APPL1: variants seen among roughly 807,000 people sequenced by gnomAD.
The protein encoded by APPL1 is DCC-interacting protein 13-alpha.
A neutral mutation model predicts 106.8 loss-of-function variants in APPL1; 42 were observed. The ratio of observed to expected loss-of-function variants is 0.39; its 90% CI spans 0.31 to 0.51. The LOEUF (loss-of-function observed/expected upper bound fraction) is 0.51, where lower values mean the gene tolerates loss of function less well. Ranked by LOEUF, APPL1 falls within the 20% of genes least tolerant of loss-of-function variation. The pLI, the probability that APPL1 is intolerant of heterozygous loss-of-function variation, is 0.75. For missense variants in APPL1, 769 were observed against 858.2 expected, an observed-to-expected ratio of 0.90 and a Z score of 1.30; for synonymous variants, 263 against 281.8, an observed-to-expected ratio of 0.93 and a Z score of 0.67.
In APPL1 at chr3:57,228,364, T is replaced by C. The variant is rs2060665079; in HGVS notation, c.54+427T>C. Among the ~76,000 whole-genome samples, 1 of 152,152 alleles carries C rather than the reference T, an allele frequency of 6.6e-6. No homozygotes were observed. The highest frequency in any genetic ancestry group is 6.5e-5 in the Admixed American group (1 of 15,278). On this transcript the variant is annotated intron_variant, in intron 1 of 21. Coordinates refer to ENST00000288266, the MANE Select transcript of APPL1 (RefSeq NM_012096.3). The surrounding 1 kb of genome is among the most constrained non-coding windows in gnomAD (Gnocchi z 4.6). The stretch of plus-strand genomic sequence containing the variant: ...TAATGATTTCCGAGGCTCAGCAAGC[T>C]AAGGAAGGAAATGGATCGTTTTTCT...
At chr3:57,240,427 G>T (rs752277582) in intron 4 of APPL1, 38 bp from the exon 5 acceptor site, 12 of 1,467,002 alleles carry the variant, frequency 8.2e-6, no homozygotes, top group Non-Finnish European at 1.1e-5. Flanking sequence ...AAATGTCTGT[G>T]TATAGTTATT....
intron 1 of APPL1, among the ~76,000 whole-genome samples, chr3:57,234,541 AC>A (rs1313898276): frequency 6.6e-6 from 1 of 150,848 alleles, no homozygotes; most frequent in Non-Finnish European, 1.5e-5. Flanking sequence ...CTCGTGATCC[AC>A]CCGCCTCGGC....
chr3:57,255,249 G>A (rs1388016976), intron 13 of APPL1, among the ~76,000 whole-genome samples: 1 of 152,166 alleles, frequency 6.6e-6, no homozygotes, highest in Non-Finnish European at 1.5e-5. Context: ...CTCTTAGTGG[G>A]CCTGTCTGTG....
intron 11 of APPL1, 84 bp from the exon 12 acceptor site, chr3:57,252,179 CCTTTAA>C: frequency 9.9e-7 from 1 of 1,014,028 alleles, no homozygotes; most frequent in Non-Finnish European, 1.5e-6. Flanking sequence ...TTTATATATG[CCTTTAA>C]CTTTAAAGAT....
intron 1 of APPL1, among the ~76,000 whole-genome samples, chr3:57,231,436 G>T (rs2060686680): frequency 6.6e-6 from 1 of 151,678 alleles, no homozygotes. Flanking sequence ...TTAGTGCTGG[G>T]ATTACAGATG....
Position 57,257,420 on chromosome 3 carries a change from G to C in APPL1, c.1422G>C (p.Gln474His). Reference protein sequence around the residue: ...DQPGQAKAFGQGGRRTNPFGE... With the variant: ...DQPGQAKAFGHGGRRTNPFGE... ...CTGGCCAGGCAAAAGCCTTTGGCCAGGGAGGCAGGTGGGTGATAGCATCAC... is the reference window on the plus strand; with the variant it reads ...CTGGCCAGGCAAAAGCCTTTGGCCACGGAGGCAGGTGGGTGATAGCATCAC... The change falls in exon 15 of 22, where the codon CAG becomes CAC. Residue 474 changes from glutamine to histidine, a missense_variant. By Grantham distance (24) the Gln-to-His change is conservative. Coordinates refer to ENST00000288266, the MANE Select transcript of APPL1 (RefSeq NM_012096.3). 6.2e-7 allele frequency: 1 copy of C among 1,611,354 alleles called. No individual in the cohort carries two copies.
At position 57,239,494 on chromosome 3, in the gene APPL1, G is replaced by A. The variant is rs142215500; in HGVS notation, c.286-971G>A. On this transcript the variant is annotated intron_variant, in intron 4 of 21. Transcript: ENST00000288266. The stretch of plus-strand genomic sequence containing the variant: ...TTTTTTGGCTAAATAAAATTTCATT[G>A]TTATGGATATACCAAGTTTTGTTTA... 3.0e-3 allele frequency among the ~76,000 whole-genome samples: 455 copies of A among 152,164 alleles called. 1 individual carries two copies. The highest frequency in any genetic ancestry group is 0.01 in the African/African-American group (427 of 41,510).
intron 1 of APPL1, among the ~76,000 whole-genome samples, chr3:57,234,694 C>T (rs1193456987): frequency 2.7e-5 from 4 of 148,986 alleles, no homozygotes; most frequent in Non-Finnish European, 5.9e-5. Flanking sequence ...CTTTGTCGCC[C>T]GCCCAGGCTG....
chr3:57,237,424 G>A, intron 2 of APPL1, 68 bp from the exon 3 acceptor site: 1 of 1,007,062 alleles, frequency 9.9e-7, no homozygotes, highest in Non-Finnish European at 1.5e-6. Flanking sequence ...AAATAAATTA[G>A]GTATTTAATT....
chr3:57,228,537 T>C lies in APPL1; in HGVS notation c.54+600T>C, dbSNP rs2060666318. ...CACTCGAGCTGTGCACGGCGAGGGATGGACGGTGCCTTCGCCGCTCCGCGA... is the reference window on the plus strand; with the variant it reads ...CACTCGAGCTGTGCACGGCGAGGGACGGACGGTGCCTTCGCCGCTCCGCGA... On this transcript the variant is annotated intron_variant, in intron 1 of 21. Transcript: ENST00000288266. This position sits in a 1 kb window ranked among gnomAD's most constrained non-coding sequence, Gnocchi z 4.6. Among the ~76,000 whole-genome samples, 1 of 152,232 alleles carries C rather than the reference T, an allele frequency of 6.6e-6. No individual in the cohort carries two copies. Among genetic ancestry groups the C allele is most frequent in the Non-Finnish European group, 1.5e-5 (1 of 68,040 alleles).
chr3:57,268,622 A>G, intron 21 of APPL1, 135 bp downstream of exon 21: 2 of 990,166 alleles, frequency 2.0e-6, no homozygotes, highest in East Asian at 5.3e-5. Flanking sequence ...GATGATTCAT[A>G]CCATAGCAGA....
chr3:57,267,503 T>G (rs2060900714), intron 19 of APPL1, among the ~76,000 whole-genome samples: 1 of 152,194 alleles, frequency 6.6e-6, no homozygotes, highest in African/African-American at 2.4e-5. Context: ...CAGTAATGAA[T>G]TTGACATAAC....
intron 19 of APPL1, among the ~76,000 whole-genome samples, chr3:57,261,402 T>C (rs958821398): frequency 2.0e-5 from 3 of 152,238 alleles, no homozygotes; most frequent in Non-Finnish European, 4.4e-5. Flanking sequence ...CTATTGTGAA[T>C]AGTACTACAG....
At chr3:57,255,256 T>C (rs4681966) in intron 13 of APPL1, among the ~76,000 whole-genome samples, 57,959 of 152,078 alleles carry the variant, frequency 0.38, 13,075 homozygotes, top group East Asian at 0.85. Flanking sequence ...TGGGCCTGTC[T>C]GTGCTATGGG....
intron 5 of APPL1, among the ~76,000 whole-genome samples, chr3:57,240,953 G>A (rs920287609): frequency 3.3e-5 from 5 of 152,220 alleles, no homozygotes; most frequent in African/African-American, 1.2e-4. Context: ...AGGGACTAGA[G>A]TGCACAAGAT....
At chr3:57,227,994 C>T (rs2060661983) in intron 1 of APPL1, 57 bp downstream of exon 1, 2 of 1,338,614 alleles carry the variant, frequency 1.5e-6, no homozygotes, top group East Asian at 3.2e-5. Flanking sequence ...GACCCCAGGT[C>T]TGGCGCCTCC....
chr3:57,227,877 C>A lies in APPL1; in HGVS notation c.-7C>A. Reference sequence around the variant, plus strand: ...GCGTCTCCTGCCACCGCCCTCCCTCCGCCACGATGCCGGGGATCGACAAGC... The same window carrying A: ...GCGTCTCCTGCCACCGCCCTCCCTCAGCCACGATGCCGGGGATCGACAAGC... On this transcript the variant is annotated 5_prime_UTR_variant, in exon 1 of 22. Coordinates refer to ENST00000288266, the MANE Select transcript of APPL1 (RefSeq NM_012096.3). 6.8e-7 allele frequency: 1 copy of A among 1,463,482 alleles called. No homozygotes were observed. The highest frequency in any genetic ancestry group is 9.0e-7 in the Non-Finnish European group (1 of 1,105,248). 90.7% of individuals were successfully genotyped at this position (1,463,482 alleles called of 1,614,324 possible).
At chr3:57,254,466 A>G (rs2060824446) in intron 13 of APPL1, among the ~76,000 whole-genome samples, 1 of 152,218 alleles carries the variant, frequency 6.6e-6, no homozygotes, top group Non-Finnish European at 1.5e-5. Context: ...TTTTGAGAAT[A>G]TTAAGATCAG....
rs1221667231 is a variant in APPL1, at chr3:57,228,688, A to C, written c.54+751A>C. ...TAAGACAGTTTTGGAAAATGTAACCATTTAATATGTTTTCAGTACTGCAGA... is the reference window on the plus strand; with the variant it reads ...TAAGACAGTTTTGGAAAATGTAACCCTTTAATATGTTTTCAGTACTGCAGA... On this transcript the variant is annotated intron_variant, in intron 1 of 21. Transcript: ENST00000288266. This position sits in a 1 kb window ranked among gnomAD's most constrained non-coding sequence, Gnocchi z 4.6. 6.6e-6 allele frequency among the ~76,000 whole-genome samples: 1 copy of C among 152,242 alleles called. No homozygotes were observed. Among genetic ancestry groups the C allele is most frequent in the South Asian group, 2.1e-4 (1 of 4,836 alleles).
Sources: allele counts gnomAD v4.1 joint callset (sites outside exome capture counted in the v4.1 genomes callset), GRCh38; gene constraint gnomAD v4.1.1; non-coding constraint Gnocchi (gnomAD v3.1); transcripts MANE v1.5; gene names NCBI Gene and HGNC (gene_info 2026-07-23, HGNC 2026-07-21).